Variants in ZKSCAN1 observed in about 807,000 individuals in gnomAD.
ZKSCAN1 encodes the protein zinc finger protein with KRAB and SCAN domains 1.
A neutral mutation model predicts 51.6 loss-of-function variants in ZKSCAN1; 14 were observed. The observed-to-expected ratio is 0.27, with a 90% CI of 0.18 to 0.42. The LOEUF is 0.42. Ranked by LOEUF, ZKSCAN1 falls within the 10% of genes least tolerant of loss-of-function variation. The pLI, the probability that ZKSCAN1 is intolerant of heterozygous loss-of-function variation, is 1.00. For missense variants in ZKSCAN1, 531 were observed against 710.0 expected, an observed-to-expected ratio of 0.75 and a Z score of 2.86; for synonymous variants, 263 against 261.5, an observed-to-expected ratio of 1.01 and a Z score of -0.06.
chr7:100,036,837 T>TC lies in ZKSCAN1; in HGVS notation c.*2640_*2641insC. On this transcript the variant is annotated 3_prime_UTR_variant, in exon 6 of 6. Transcript: ENST00000324306. Reference sequence around the variant, plus strand: ...TCATGTTTACATTGGCCTTTGGTTTTTTTTTTTCTTTCAGCCACAACTATA... The same window carrying TC: ...TCATGTTTACATTGGCCTTTGGTTTTCTTTTTTTCTTTCAGCCACAACTATA... 1.0e-6 allele frequency: 1 copy of TC among 984,726 alleles called. No homozygotes were observed. Among genetic ancestry groups the TC allele is most frequent in the Non-Finnish European group, 1.2e-6 (1 of 829,736 alleles). The allele number at this position is 984,726 out of a possible 1,614,324, so 61.0% of individuals were successfully genotyped here.
intron 1 of ZKSCAN1, among the ~76,000 whole-genome samples, chr7:100,018,482 G>A (rs1389235935): frequency 2.0e-5 from 3 of 151,168 alleles, no homozygotes; most frequent in Non-Finnish European, 4.4e-5. Flanking sequence ...GCAGCCTCCC[G>A]GGTTCACGCC....
At position 100,039,808 on chromosome 7, in the gene ZKSCAN1, C is replaced by G. The variant is rs1562835145; in HGVS notation, c.*5611C>G. On this transcript the variant is annotated 3_prime_UTR_variant, in exon 6 of 6. Transcript: ENST00000324306. ...TACGAGGGGGCTAGGGTTTTCCCAT[C>G]TGGGAAATGGGGTGAAAGTCTGCAG... The G allele has an allele frequency of 1.0e-6, 1 of 985,220 alleles. No homozygotes were observed. Among genetic ancestry groups the G allele is most frequent in the Non-Finnish European group, 1.2e-6 (1 of 829,938 alleles). 61.0% of individuals were successfully genotyped at this position (985,220 alleles called of 1,614,324 possible).
rs1279611533 is a variant in ZKSCAN1, at chr7:100,039,543, C to T, written c.*5346C>T. The T allele has an allele frequency of 1.3e-5, 13 of 985,246 alleles. No individual in the cohort carries two copies. The highest frequency in any genetic ancestry group is 1.4e-5 in the Non-Finnish European group (12 of 829,940). 61.0% of individuals were successfully genotyped at this position (985,246 alleles called of 1,614,324 possible). ...TTAGGAGAGAGGTTTTGCAAAGACT[C>T]GTTGCTGTGAAAGAATCTTTTTTTA... is the stretch of plus-strand genomic sequence containing the variant. On this transcript the variant is annotated 3_prime_UTR_variant, in exon 6 of 6. Coordinates refer to ENST00000324306, the MANE Select transcript of ZKSCAN1 (RefSeq NM_003439.4).
At chr7:100,023,178 C>G (rs1790661285) in intron 1 of ZKSCAN1, among the ~76,000 whole-genome samples, 1 of 152,028 alleles carries the variant, frequency 6.6e-6, no homozygotes, top group East Asian at 1.9e-4. Context: ...GCCCTGCTGA[C>G]TTTTGTATTT....
chr7:100,044,705 AGT>A, downstream of ZKSCAN1: 7 of 641,414 alleles, frequency 1.1e-5, no homozygotes, highest in South Asian at 7.0e-5. Flanking sequence ...AAAAAAAAAA[AGT>A]AGCACTGAAT....
In ZKSCAN1 at chr7:100,033,005, C is replaced by T. The variant is rs565892193; in HGVS notation, c.800-300C>T. ...CCTGGGTAACAGAGCAAGACTCCAT[C>T]TCAAAAAAAAAAAAAAGTTACCCGG... On this transcript the variant is annotated intron_variant, in intron 5 of 5. Coordinates refer to ENST00000324306, the MANE Select transcript of ZKSCAN1 (RefSeq NM_003439.4). The surrounding 1 kb of genome is among the most constrained non-coding windows in gnomAD (Gnocchi z 4.1). Among the ~76,000 whole-genome samples the T allele has an allele frequency of 8.9e-5, 13 of 146,158 alleles. No individual in the cohort carries two copies. The South Asian group carries it at 2.6e-3, about 29-fold the overall frequency.
chr7:100,029,634 G>A (rs1791014423), intron 3 of ZKSCAN1, among the ~76,000 whole-genome samples: 1 of 152,166 alleles, frequency 6.6e-6, no homozygotes, highest in Non-Finnish European at 1.5e-5. Flanking sequence ...AAATAAAAGG[G>A]TTGGACCAGG....
intron 3 of ZKSCAN1, among the ~76,000 whole-genome samples, chr7:100,029,507 G>T (rs990970128): frequency 1.5e-4 from 23 of 152,268 alleles, no homozygotes; most frequent in Non-Finnish European, 3.1e-4. Context: ...TGGGCTGAAG[G>T]TACCCACTTT....
chr7:100,017,017 C>T (rs1485375618), intron 1 of ZKSCAN1: 1 of 152,118 alleles, frequency 6.6e-6, no homozygotes, highest in Admixed American at 6.6e-5. Context: ...AACGAGGAAG[C>T]TAGCTACTTA....
At chr7:100,028,713 A>T (rs561648481) in intron 3 of ZKSCAN1, among the ~76,000 whole-genome samples, 2 of 151,158 alleles carry the variant, frequency 1.3e-5, no homozygotes, top group East Asian at 3.9e-4. Flanking sequence ...TATTGTGATC[A>T]CGTGATAATG....
At position 100,040,708 on chromosome 7, in the gene ZKSCAN1, G is replaced by A. The variant is rs376095735; in HGVS notation, c.*6511G>A. 55 of 985,468 alleles carry A rather than the reference G, an allele frequency of 5.6e-5. No individual in the cohort carries two copies. In the East Asian group the frequency reaches 5.2e-3, roughly 94 times the overall value. 61.0% of individuals were successfully genotyped at this position (985,468 alleles called of 1,614,324 possible). A position where few individuals can be genotyped will look rare whatever the true frequency, so the allele number is the denominator to read the frequency against. ...CTCCAGGCTGAGAAAGAGTAATTAGGAGGCCTGAGGAGGGGCCGAGGAAAG... is the reference window on the plus strand; with the variant it reads ...CTCCAGGCTGAGAAAGAGTAATTAGAAGGCCTGAGGAGGGGCCGAGGAAAG... On this transcript the variant is annotated 3_prime_UTR_variant, in exon 6 of 6. Transcript: ENST00000324306.
At position 100,038,643 on chromosome 7, in the gene ZKSCAN1, A is replaced by G; in HGVS notation, c.*4446A>G. The G allele has an allele frequency of 5.1e-6, 5 of 985,486 alleles. No individual in the cohort carries two copies. The highest frequency in any genetic ancestry group is 6.0e-6 in the Non-Finnish European group (5 of 829,952). The allele number at this position is 985,486 out of a possible 1,614,324, so 61.0% of individuals were successfully genotyped here. A position where few individuals can be genotyped will look rare whatever the true frequency, so the allele number is the denominator to read the frequency against. ...CCAAGTGGGACTGCTTCAGCTGACC[A>G]GGTTCTTTTAAACCGTAGTCATGCT... On this transcript the variant is annotated 3_prime_UTR_variant, in exon 6 of 6. Coordinates refer to ENST00000324306, the MANE Select transcript of ZKSCAN1 (RefSeq NM_003439.4).
Position 100,037,551 on chromosome 7 carries a change from A to G in ZKSCAN1, c.*3354A>G. ...GCCTCCTGAATGTGATGAATACGGC[A>G]AAGCCTTTAATCACATCTCAGCCCT... On this transcript the variant is annotated 3_prime_UTR_variant, in exon 6 of 6. Transcript: ENST00000324306. 1 of 985,490 alleles carries G rather than the reference A, an allele frequency of 1.0e-6. No individual in the cohort carries two copies. The highest frequency in any genetic ancestry group is 1.2e-6 in the Non-Finnish European group (1 of 829,946). 61.0% of individuals were successfully genotyped at this position (985,490 alleles called of 1,614,324 possible).
chr7:100,044,866 G>A (rs1584361901), downstream of ZKSCAN1: 2 of 985,242 alleles, frequency 2.0e-6, no homozygotes, highest in Non-Finnish European at 2.4e-6. Flanking sequence ...GTTGTCATGC[G>A]CCAGAGGCTT....
Position 100,038,515 on chromosome 7 carries a change from G to A in ZKSCAN1, c.*4318G>A, listed in dbSNP as rs1057389281. On this transcript the variant is annotated 3_prime_UTR_variant, in exon 6 of 6. Coordinates refer to ENST00000324306, the MANE Select transcript of ZKSCAN1 (RefSeq NM_003439.4). ...AATTTTTCCTCAAAACCAAGAAGTT[G>A]ACCTCTGAGCTGTCAGGTGACCACT... 4.1e-6 allele frequency: 4 copies of A among 985,320 alleles called. No homozygotes were observed. In the African/African-American group the frequency reaches 5.2e-5, roughly 13 times the overall value. 61.0% of individuals were successfully genotyped at this position (985,320 alleles called of 1,614,324 possible).
In ZKSCAN1 at chr7:100,030,637, C is replaced by G. The variant is rs1791065321; in HGVS notation, c.799+262C>G. ...AAATAATTGAGTTCCAAGTCCTCAC[C>G]TCTTCAGCCACTCAGTTGCCTGGGA... On this transcript the variant is annotated intron_variant, in intron 5 of 5. Coordinates refer to ENST00000324306, the MANE Select transcript of ZKSCAN1 (RefSeq NM_003439.4). Among the ~76,000 whole-genome samples the G allele has an allele frequency of 2.6e-5, 4 of 152,096 alleles. No individual in the cohort carries two copies. In the South Asian group the frequency reaches 8.3e-4, roughly 32 times the overall value.
rs139814922 is a variant in ZKSCAN1 at position 100,035,133 on chromosome 7, A to G, written c.*936A>G. 1,308 of 152,672 alleles carry G rather than the reference A, an allele frequency of 8.6e-3. 17 individuals carry two copies. Among genetic ancestry groups the G allele is most frequent in the South Asian group, 0.054 (259 of 4,820 alleles). The allele number at this position is 152,672 out of a possible 1,614,324, so 9.5% of individuals were successfully genotyped here. On this transcript the variant is annotated 3_prime_UTR_variant, in exon 6 of 6. Transcript: ENST00000324306. ...AGTGAGTACTGAACACCTAAGAGGC[A>G]CTCATTCAGACTGACTTCTACAGGA... is the stretch of plus-strand genomic sequence containing the variant.
rs1273873171 is a variant in ZKSCAN1 at position 100,033,196 on chromosome 7, G to T, written c.800-109G>T. On this transcript the variant is annotated intron_variant, in intron 5 of 5. Transcript: ENST00000324306. This position sits in a 1 kb window ranked among gnomAD's most constrained non-coding sequence, Gnocchi z 4.1. ...CAAAGGAAATAAAAATAAAAATATTGCAAAGTCATTTTGCAGCCGTGTAGA... is the reference window on the plus strand; with the variant it reads ...CAAAGGAAATAAAAATAAAAATATTTCAAAGTCATTTTGCAGCCGTGTAGA... 1.4e-5 allele frequency: 20 copies of T among 1,447,084 alleles called. No homozygotes were observed. The highest frequency in any genetic ancestry group is 1.6e-5 in the Non-Finnish European group (18 of 1,103,684). The allele number at this position is 1,447,084 out of a possible 1,614,324, so 89.6% of individuals were successfully genotyped here. A position where few individuals can be genotyped will look rare whatever the true frequency, so the allele number is the denominator to read the frequency against.
At chr7:100,042,838 C>T (rs1791634499), downstream of ZKSCAN1, among the ~76,000 whole-genome samples, 1 of 146,640 alleles carries the variant, frequency 6.8e-6, no homozygotes, top group South Asian at 2.1e-4. Context: ...CGCTCTGTCT[C>T]CCAGGCTGGC....
Sources: allele counts gnomAD v4.1 joint callset (sites outside exome capture counted in the v4.1 genomes callset), GRCh38; gene constraint gnomAD v4.1.1; non-coding constraint Gnocchi (gnomAD v3.1); transcripts MANE v1.5; gene names NCBI Gene and HGNC (gene_info 2026-07-23, HGNC 2026-07-21).